The following EXOSC7 variants were observed in gnomAD, a reference collection of about 807,000 sequenced individuals.
The protein encoded by EXOSC7 is exosome complex component RRP42.
A neutral mutation model predicts 34.3 loss-of-function variants in EXOSC7; 25 were observed. That is an observed-to-expected ratio of 0.73 (90% CI 0.53 to 1.02). The LOEUF (loss-of-function observed/expected upper bound fraction) is 1.02. EXOSC7 is among the 50% of genes least tolerant of loss of function. The probability of loss-of-function intolerance (pLI) is 0.00; values close to 1 mark genes in which losing one functional copy is unlikely to be tolerated. For synonymous variants in EXOSC7, 130 were observed against 143.0 expected (o/e 0.91, Z 0.65); for missense variants, 370 against 368.5 (o/e 1.00, Z -0.03).
At chr3:45,010,195 G>A (rs1373853803) in intron 7 of EXOSC7, among the ~76,000 whole-genome samples, 1 of 152,094 alleles carries the variant, frequency 6.6e-6, no homozygotes, top group Non-Finnish European at 1.5e-5. Flanking sequence ...ATGATTCTTG[G>A]GCCCAGAGAC....
intron 4 of EXOSC7, among the ~76,000 whole-genome samples, chr3:44,999,596 A>G (rs1706819669): frequency 6.6e-6 from 1 of 152,092 alleles, no homozygotes; most frequent in Non-Finnish European, 1.5e-5. Flanking sequence ...GACTGAGGCA[A>G]GAGAATTGCT....
rs536036170 is a variant in EXOSC7 at position 45,011,235 on chromosome 3, A to G, written c.772A>G (p.Thr258Ala). The G allele has an allele frequency of 6.2e-7, 1 of 1,605,330 alleles. No individual in the cohort carries two copies. The highest frequency in any genetic ancestry group is 2.2e-5 in the East Asian group (1 of 44,548). ...GCTCTCTCCCGTCCCTTCTCCACAGACTGGCAAGCGTGTGGGCAAGGTACT... is the reference window on the plus strand; with the variant it reads ...GCTCTCTCCCGTCCCTTCTCCACAGGCTGGCAAGCGTGTGGGCAAGGTACT... ...DPESIFEMMETGKRVGKVLHA... is the reference protein window; with the variant it reads ...DPESIFEMMEAGKRVGKVLHA... The change falls in exon 8 of 8, where the codon ACT (threonine) becomes GCT (alanine). Residue 258 changes from threonine to alanine, a missense_variant and splice_region_variant. By Grantham distance (58) the Thr-to-Ala change is moderately conservative. This residue lies in a region of EXOSC7 where 255 missense variants were observed against 246.4 expected (regional missense o/e 1.03). Transcript: ENST00000265564.
chr3:45,005,187 C>A, intron 5 of EXOSC7, 104 bp from the exon 6 acceptor site: 1 of 1,359,880 alleles, frequency 7.4e-7, no homozygotes, highest in Non-Finnish European at 1.0e-6. Flanking sequence ...CATAGCGTGT[C>A]TTTCTCTTGT....
At chr3:44,998,319 A>G (rs1308388878) in intron 4 of EXOSC7, among the ~76,000 whole-genome samples, 1 of 151,722 alleles carries the variant, frequency 6.6e-6, no homozygotes, top group Admixed American at 6.6e-5. Context: ...TACAGGTGCA[A>G]ACCACCGTGC....
At position 45,009,087 on chromosome 3, in the gene EXOSC7, G is replaced by A. The variant is rs577008646; in HGVS notation, c.771+1512G>A. ...TAGGATTTAAGCCAAGACTGTGTGCGTCCAGAGCCCCTGCTCCCAGCCACT... is the reference window on the plus strand; with the variant it reads ...TAGGATTTAAGCCAAGACTGTGTGCATCCAGAGCCCCTGCTCCCAGCCACT... On this transcript the variant is annotated intron_variant, in intron 7 of 7. Coordinates refer to ENST00000265564, the MANE Select transcript of EXOSC7 (RefSeq NM_015004.4). 9.1e-4 allele frequency among the ~76,000 whole-genome samples: 139 copies of A among 152,226 alleles called. 1 individual carries two copies. Among genetic ancestry groups the A allele is most frequent in the African/African-American group, 2.5e-3 (104 of 41,544 alleles).
At chr3:44,979,832 TG>T (rs1248264154) in intron 1 of EXOSC7, among the ~76,000 whole-genome samples, 4 of 152,254 alleles carry the variant, frequency 2.6e-5, no homozygotes, top group Non-Finnish European at 4.4e-5. Context: ...GTGTCACACT[TG>T]GGAGAAGTCA....
intron 4 of EXOSC7, among the ~76,000 whole-genome samples, chr3:44,999,973 G>T (rs1255026790): frequency 6.6e-6 from 1 of 151,814 alleles, no homozygotes; most frequent in Non-Finnish European, 1.5e-5. Context: ...ACAGATATTT[G>T]CTGGGCACCC....
At chr3:44,988,175 G>A (rs576397423) in intron 1 of EXOSC7, among the ~76,000 whole-genome samples, 1 of 152,200 alleles carries the variant, frequency 6.6e-6, no homozygotes, top group Non-Finnish European at 1.5e-5. Context: ...GACACAAGAG[G>A]ATAGATATCT....
intron 7 of EXOSC7, among the ~76,000 whole-genome samples, chr3:45,010,295 T>G (rs984841377): frequency 4.6e-5 from 7 of 152,230 alleles, no homozygotes; most frequent in Non-Finnish European, 1.0e-4. Flanking sequence ...TTATCCAGGC[T>G]GGAGTACAGT....
At chr3:44,999,253 C>A (rs1706810181) in intron 4 of EXOSC7, among the ~76,000 whole-genome samples, 1 of 152,294 alleles carries the variant, frequency 6.6e-6, no homozygotes, top group East Asian at 1.9e-4. Context: ...ACATGGTGCG[C>A]AGGAATATCC....
chr3:45,005,431 A>G lies in EXOSC7; in HGVS notation c.615+17A>G. On this transcript the variant is annotated intron_variant, in intron 6 of 7. Transcript: ENST00000265564. ...CTGTGCAAGGTATAACTTGTATTTT[A>G]TGGTTTTTGTCTTCCCTGTGGGTGT... The G allele has an allele frequency of 6.2e-7, 1 of 1,611,270 alleles. No homozygotes were observed. The highest frequency in any genetic ancestry group is 8.5e-7 in the Non-Finnish European group (1 of 1,177,788).
chr3:44,998,037 T>TC (rs1449738284), intron 4 of EXOSC7, among the ~76,000 whole-genome samples: 1 of 151,144 alleles, frequency 6.6e-6, no homozygotes, highest in Non-Finnish European at 1.5e-5. Flanking sequence ...TTTTGTTTTT[T>TC]TGTTTTTTTT....
chr3:44,997,312 T>C, intron 4 of EXOSC7, 60 bp downstream of exon 4: 1 of 1,513,494 alleles, frequency 6.6e-7, no homozygotes, highest in Non-Finnish European at 9.0e-7. Context: ...CTAGTTGGCC[T>C]ATTTTCCTTC....
chr3:44,997,507 A>C (rs1046568613), intron 4 of EXOSC7, among the ~76,000 whole-genome samples: 4 of 152,228 alleles, frequency 2.6e-5, no homozygotes, highest in Non-Finnish European at 5.9e-5. Context: ...ATTGCCCATA[A>C]AAATTGTCCA....
At chr3:45,006,274 C>G (rs1253708192) in intron 6 of EXOSC7, among the ~76,000 whole-genome samples, 1 of 151,114 alleles carries the variant, frequency 6.6e-6, no homozygotes. Flanking sequence ...GACGGTGTTT[C>G]ACCATGTTGG....
intron 1 of EXOSC7, among the ~76,000 whole-genome samples, chr3:44,985,941 A>G (rs934154836): frequency 6.6e-6 from 1 of 152,078 alleles, no homozygotes; most frequent in Non-Finnish European, 1.5e-5. Context: ...AGGTTCTCCA[A>G]GTCCCCACCA....
At chr3:44,982,915 G>C (rs568119266) in intron 1 of EXOSC7, among the ~76,000 whole-genome samples, 64 of 152,320 alleles carry the variant, frequency 4.2e-4, no homozygotes, top group Non-Finnish European at 5.9e-4. Flanking sequence ...TGATGGGCCC[G>C]AGCCTGCAAA....
chr3:45,000,234 G>T (rs922997787), intron 4 of EXOSC7, among the ~76,000 whole-genome samples: 1 of 152,218 alleles, frequency 6.6e-6, no homozygotes, highest in Admixed American at 6.5e-5. Context: ...TTGGTCACAA[G>T]CCTGTCTTTT....
intron 1 of EXOSC7, among the ~76,000 whole-genome samples, chr3:44,984,361 A>G (rs1452945020): frequency 6.6e-6 from 1 of 152,070 alleles, no homozygotes; most frequent in Non-Finnish European, 1.5e-5. Flanking sequence ...CTGTAGTCCT[A>G]GCTACTCAGG....
Sources: allele counts gnomAD v4.1 joint callset (sites outside exome capture counted in the v4.1 genomes callset), GRCh38; gene constraint gnomAD v4.1.1; regional missense constraint gnomAD v4.1.1; transcripts MANE v1.5; gene names NCBI Gene and HGNC (gene_info 2026-07-23, HGNC 2026-07-21).